The following ADAMTS6 variants were observed in gnomAD, a reference collection of about 807,000 sequenced individuals.
ADAMTS6 encodes the protein ADAM metallopeptidase with thrombospondin type 1 motif 6.
ADAMTS6 carries 23 observed loss-of-function variants against 144.3 expected under a neutral mutation model. The ratio of observed to expected loss-of-function variants is 0.16; its 90% CI spans 0.11 to 0.23. The LOEUF (loss-of-function observed/expected upper bound fraction) is 0.23, where lower values mean the gene tolerates loss of function less well. Ranked by LOEUF, ADAMTS6 falls within the 10% of genes least tolerant of loss-of-function variation. ADAMTS6 has a pLI of 1.00. For synonymous variants in ADAMTS6, 444 were observed against 457.5 expected, an observed-to-expected ratio of 0.97 and a Z score of 0.38; for missense variants, 999 against 1,379.6, an observed-to-expected ratio of 0.72 and a Z score of 4.37.
intron 7 of ADAMTS6, among the ~76,000 whole-genome samples, chr5:65,430,113 A>G (rs1052555510): frequency 1.3e-5 from 2 of 151,640 alleles, no homozygotes; most frequent in Non-Finnish European, 1.5e-5. Flanking sequence ...TTAGTTTTCT[A>G]TTTCTGAATG....
intron 10 of ADAMTS6, among the ~76,000 whole-genome samples, chr5:65,298,069 T>C (rs1254438544): frequency 6.6e-6 from 1 of 152,192 alleles, no homozygotes; most frequent in Non-Finnish European, 1.5e-5. Context: ...AGTAATACTT[T>C]TATGTCCCTC....
intron 22 of ADAMTS6, among the ~76,000 whole-genome samples, chr5:65,184,066 C>A (rs534735874): frequency 6.6e-6 from 1 of 152,208 alleles, no homozygotes; most frequent in Admixed American, 6.5e-5. Flanking sequence ...ATTTTTTCCT[C>A]TTTATTCATA....
intron 3 of ADAMTS6, among the ~76,000 whole-genome samples, chr5:65,461,382 T>C (rs1759629505): frequency 6.6e-6 from 1 of 152,256 alleles, no homozygotes; most frequent in South Asian, 2.1e-4. Context: ...CTCATATTTC[T>C]TCGTATCAGT....
At chr5:65,362,031 G>A (rs1477741497) in intron 7 of ADAMTS6, among the ~76,000 whole-genome samples, 3 of 152,138 alleles carry the variant, frequency 2.0e-5, no homozygotes, top group East Asian at 1.9e-4. Context: ...CACTGCAGAC[G>A]GCCTACCATG....
rs374894381 is a variant in ADAMTS6, at chr5:65,187,996, A to G, written c.2910+20T>C. The G allele has an allele frequency of 4.5e-5, 73 of 1,612,900 alleles. No homozygotes were observed. The highest frequency in any genetic ancestry group is 3.3e-4 in the Middle Eastern group (2 of 6,050). On this transcript the variant is annotated intron_variant, in intron 22 of 24. Coordinates refer to ENST00000381055, the MANE Select transcript of ADAMTS6 (RefSeq NM_197941.4). ...TTAGGACATTTCAAAACATATACAT[A>G]TAGCCTCAGATTTCCTTACCTCAGA...
At chr5:65,271,769 T>G (rs1762076700) in intron 12 of ADAMTS6, among the ~76,000 whole-genome samples, 2 of 152,190 alleles carry the variant, frequency 1.3e-5, no homozygotes, top group Non-Finnish European at 2.9e-5. Flanking sequence ...GGTTGTGTAT[T>G]TCTTCTAAGT....
chr5:65,257,141 TA>T (rs940902400), intron 14 of ADAMTS6, among the ~76,000 whole-genome samples: 1 of 151,956 alleles, frequency 6.6e-6, no homozygotes, highest in Non-Finnish European at 1.5e-5. Flanking sequence ...TCTCATTTAT[TA>T]AGGAGTTTGA....
intron 20 of ADAMTS6, among the ~76,000 whole-genome samples, chr5:65,202,271 A>G (rs1370379210): frequency 6.6e-6 from 1 of 152,242 alleles, no homozygotes; most frequent in Non-Finnish European, 1.5e-5. Context: ...GATGATCAAA[A>G]GCAAAATGTA....
intron 20 of ADAMTS6, among the ~76,000 whole-genome samples, chr5:65,201,734 A>G (rs1204101808): frequency 1.3e-5 from 2 of 152,214 alleles, no homozygotes; most frequent in Non-Finnish European, 2.9e-5. Context: ...AGCACATCAT[A>G]TCTACCCAAG....
intron 20 of ADAMTS6, among the ~76,000 whole-genome samples, chr5:65,208,348 G>T (rs1021530285): frequency 6.6e-6 from 1 of 152,166 alleles, no homozygotes; most frequent in Non-Finnish European, 1.5e-5. Flanking sequence ...CTCTGGGGGT[G>T]GGGACAAAGT....
chr5:65,164,179 G>A (rs1480034071), intron 24 of ADAMTS6, among the ~76,000 whole-genome samples: 69 of 151,902 alleles, frequency 4.5e-4, no homozygotes, highest in Middle Eastern at 3.4e-3. Flanking sequence ...TGCGCGCACC[G>A]TGCGCGAGCC....
chr5:65,374,878 A>C (rs1751359777), intron 7 of ADAMTS6, among the ~76,000 whole-genome samples: 1 of 152,248 alleles, frequency 6.6e-6, no homozygotes, highest in African/African-American at 2.4e-5. Flanking sequence ...GGCTACAGTA[A>C]CCAACACAGC....
chr5:65,417,298 A>T (rs1404510169), intron 7 of ADAMTS6, among the ~76,000 whole-genome samples: 1 of 152,202 alleles, frequency 6.6e-6, no homozygotes, highest in Non-Finnish European at 1.5e-5. Context: ...CACTGGAAGC[A>T]TTCCCCTTGA....
At chr5:65,260,023 A>T (rs1761042088) in intron 14 of ADAMTS6, among the ~76,000 whole-genome samples, 1 of 152,196 alleles carries the variant, frequency 6.6e-6, no homozygotes, top group African/African-American at 2.4e-5. Flanking sequence ...CAGTTTGAAG[A>T]CTATAGGAGA....
intron 7 of ADAMTS6, among the ~76,000 whole-genome samples, chr5:65,371,605 G>A (rs942832717): frequency 1.3e-5 from 2 of 152,178 alleles, no homozygotes; most frequent in African/African-American, 4.8e-5. Flanking sequence ...AAGCCTCCAA[G>A]AAATATGGGA....
chr5:65,230,926 C>A (rs1344577013), intron 15 of ADAMTS6, among the ~76,000 whole-genome samples: 2 of 145,766 alleles, frequency 1.4e-5, no homozygotes, highest in African/African-American at 2.5e-5. Flanking sequence ...CATACTACTA[C>A]AGAAAATCAT....
intron 8 of ADAMTS6, 111 bp downstream of exon 8, chr5:65,333,931 A>T (rs980254685): frequency 1.7e-5 from 20 of 1,164,682 alleles, no homozygotes; most frequent in African/African-American, 3.3e-5. Flanking sequence ...AAGGAAAATG[A>T]CCAAATTAAT....
intron 2 of ADAMTS6, 58 bp downstream of exon 2, chr5:65,473,519 C>G: frequency 1.4e-6 from 2 of 1,456,576 alleles, no homozygotes; most frequent in Non-Finnish European, 1.9e-6. Flanking sequence ...TATGCAGAAT[C>G]TTTTCTTGTC....
At chr5:65,300,167 T>A (rs1369079779) in intron 9 of ADAMTS6, 36 bp from the exon 10 acceptor site, 2 of 1,589,158 alleles carry the variant, frequency 1.3e-6, no homozygotes, top group Admixed American at 1.8e-5. Context: ...AATAAATAAA[T>A]AAGAAAAAAA....
Sources: allele counts gnomAD v4.1 joint callset (sites outside exome capture counted in the v4.1 genomes callset), GRCh38; gene constraint gnomAD v4.1.1; transcripts MANE v1.5; gene names NCBI Gene and HGNC (gene_info 2026-07-23, HGNC 2026-07-21).